Variants in AGMO observed in about 807,000 individuals in gnomAD.
The protein encoded by AGMO is glyceryl-ether monooxygenase.
Under a neutral mutation model 60.2 loss-of-function variants are expected in AGMO, and 75 were observed. The ratio of observed to expected loss-of-function variants is 1.25; its 90% CI spans 1.03 to 1.51. AGMO has a LOEUF of 1.51. Ranked by LOEUF, AGMO falls within the 40% of genes most tolerant of loss-of-function variation. The probability of loss-of-function intolerance (pLI) is 0.00; values close to 1 mark genes in which losing one functional copy is unlikely to be tolerated. For missense variants in AGMO, 763 were observed against 525.5 expected (o/e 1.45, Z -4.42); for synonymous variants, 261 against 177.1 (o/e 1.47, Z -3.76).
At chr7:15,296,426 T>C (rs975529960) in intron 12 of AGMO, among the ~76,000 whole-genome samples, 32 of 152,130 alleles carry the variant, frequency 2.1e-4, no homozygotes, top group Non-Finnish European at 1.3e-4. Flanking sequence ...TATTAACAGT[T>C]TCTTCCCTGT....
At chr7:15,212,137 A>G (rs1281030950) in intron 12 of AGMO, among the ~76,000 whole-genome samples, 2 of 151,966 alleles carry the variant, frequency 1.3e-5, no homozygotes, top group African/African-American at 4.8e-5. Context: ...TCCAGACTCA[A>G]TGTAGGAAAA....
intron 6 of AGMO, among the ~76,000 whole-genome samples, chr7:15,392,195 G>A (rs1019221577): frequency 4.6e-5 from 7 of 151,770 alleles, no homozygotes; most frequent in South Asian, 2.1e-4. Flanking sequence ...TCAGCCTCCC[G>A]AGTAGCTGCG....
chr7:15,132,822 T>C, the AGMO span, among the ~76,000 whole-genome samples: 1 of 152,274 alleles, frequency 6.6e-6, no homozygotes, highest in South Asian at 2.1e-4. Context: ...CCTTATTTGT[T>C]TTCATTTTAC....
At chr7:15,544,652 T>A (rs1309528061) in intron 3 of AGMO, 120 bp downstream of exon 3, 9 of 861,688 alleles carry the variant, frequency 1.0e-5, no homozygotes, top group Middle Eastern at 5.0e-4. Context: ...AATTTTTATA[T>A]CCGTAAAATA....
chr7:15,285,992 TA>T (rs535297014), intron 12 of AGMO, among the ~76,000 whole-genome samples: 34 of 152,232 alleles, frequency 2.2e-4, no homozygotes, highest in African/African-American at 6.7e-4. Context: ...CCTTATTTAA[TA>T]AATGTTGCTG....
intron 3 of AGMO, among the ~76,000 whole-genome samples, chr7:15,542,287 T>C (rs1403398736): frequency 1.3e-5 from 2 of 152,194 alleles, no homozygotes; most frequent in Non-Finnish European, 2.9e-5. Flanking sequence ...GTTGTGAATG[T>C]TTTTCCAGAA....
At chr7:15,402,905 C>A (rs1784590878) in intron 5 of AGMO, among the ~76,000 whole-genome samples, 1 of 151,604 alleles carries the variant, frequency 6.6e-6, no homozygotes, top group South Asian at 2.1e-4. Context: ...TTTCTAGGGA[C>A]TTCACTAGGT....
the AGMO span, among the ~76,000 whole-genome samples, chr7:15,192,174 G>A: frequency 4.6e-5 from 7 of 151,856 alleles, no homozygotes; most frequent in South Asian, 2.1e-4. Flanking sequence ...CCCCACCTTC[G>A]AGCCTGGAAA....
At chr7:15,174,131 G>T in the AGMO span, among the ~76,000 whole-genome samples, 549 of 151,640 alleles carry the variant, frequency 3.6e-3, 4 homozygotes, top group African/African-American at 0.013. Flanking sequence ...ACATTTTTTG[G>T]TACTTCTATG....
chr7:15,405,283 T>C (rs1158549181), intron 5 of AGMO, among the ~76,000 whole-genome samples: 1 of 151,894 alleles, frequency 6.6e-6, no homozygotes, highest in Non-Finnish European at 1.5e-5. Context: ...ATTAAAAAGA[T>C]GTTTGCTGGT....
chr7:15,487,836 T>G (rs563871447), intron 3 of AGMO, among the ~76,000 whole-genome samples: 1 of 152,282 alleles, frequency 6.6e-6, no homozygotes, highest in South Asian at 2.1e-4. Context: ...TTTATAAGTT[T>G]TTGGAATGTC....
At chr7:15,371,693 C>G (rs1463571070) in intron 10 of AGMO, among the ~76,000 whole-genome samples, 2 of 147,206 alleles carry the variant, frequency 1.4e-5, no homozygotes. Context: ...CCACTGAACC[C>G]AGCCAACGGC....
chr7:15,363,625 A>G (rs972168708), intron 12 of AGMO, among the ~76,000 whole-genome samples: 4 of 152,020 alleles, frequency 2.6e-5, no homozygotes, highest in Non-Finnish European at 5.9e-5. Flanking sequence ...TAAATAAGTA[A>G]ACTGCCATCA....
chr7:15,345,808 A>C (rs1782012891), intron 12 of AGMO, among the ~76,000 whole-genome samples: 1 of 152,116 alleles, frequency 6.6e-6, no homozygotes, highest in African/African-American at 2.4e-5. Context: ...CAAAGCCAGG[A>C]CCTCAATTTG....
At chr7:15,180,969 T>C in the AGMO span, among the ~76,000 whole-genome samples, 3 of 152,218 alleles carry the variant, frequency 2.0e-5, no homozygotes, top group East Asian at 3.9e-4. Context: ...TAGATAAAAC[T>C]GGGATGAATT....
intron 12 of AGMO, among the ~76,000 whole-genome samples, chr7:15,221,946 T>C (rs1345074652): frequency 1.3e-5 from 2 of 152,194 alleles, no homozygotes; most frequent in African/African-American, 4.8e-5. Flanking sequence ...ACGTTTTCAC[T>C]TTCCAATTAT....
intron 10 of AGMO, among the ~76,000 whole-genome samples, chr7:15,368,548 T>C (rs915136112): frequency 2.6e-5 from 4 of 152,122 alleles, no homozygotes; most frequent in Admixed American, 1.3e-4. Context: ...CAGCTATGCG[T>C]TTGGTACATT....
At chr7:15,288,022 AT>A (rs761274017) in intron 12 of AGMO, among the ~76,000 whole-genome samples, 111 of 151,738 alleles carry the variant, frequency 7.3e-4, no homozygotes, top group Non-Finnish European at 1.3e-3. Context: ...AATAACAATA[AT>A]TTTATTGAAT....
At chr7:15,266,543 C>T (rs562655134) in intron 12 of AGMO, among the ~76,000 whole-genome samples, 2 of 151,956 alleles carry the variant, frequency 1.3e-5, no homozygotes, top group South Asian at 4.2e-4. Context: ...CTTATTGCTG[C>T]TTCTATTTCC....
Sources: allele counts gnomAD v4.1 joint callset (sites outside exome capture counted in the v4.1 genomes callset), GRCh38; gene constraint gnomAD v4.1.1; transcripts MANE v1.5; gene names NCBI Gene and HGNC (gene_info 2026-07-23, HGNC 2026-07-21).